The following CARMIL1 variants were observed in gnomAD, a reference collection of about 807,000 sequenced individuals.
The protein encoded by CARMIL1 is F-actin-uncapping protein LRRC16A.
In CARMIL1, 90 loss-of-function variants were observed where a neutral mutation model predicts 177.1. The observed-to-expected ratio is 0.51, with a 90% CI of 0.43 to 0.61. CARMIL1 has a LOEUF of 0.61. CARMIL1 is among the 20% of genes least tolerant of loss of function. The pLI, the probability that CARMIL1 is intolerant of heterozygous loss-of-function variation, is 0.00. For synonymous variants in CARMIL1, 577 were observed against 606.2 expected (o/e 0.95, Z 0.71); for missense variants, 1,380 against 1,667.0 (o/e 0.83, Z 3.00).
At chr6:25,603,321 G>T (rs982127656) in intron 33 of CARMIL1, among the ~76,000 whole-genome samples, 2 of 152,206 alleles carry the variant, frequency 1.3e-5, no homozygotes, top group Non-Finnish European at 2.9e-5. Context: ...TAGTGTGCTT[G>T]TGTTAGCTGC....
intron 2 of CARMIL1, among the ~76,000 whole-genome samples, chr6:25,290,752 C>T (rs1390648331): frequency 1.3e-5 from 2 of 152,054 alleles, no homozygotes; most frequent in Non-Finnish European, 2.9e-5. Flanking sequence ...ATCTGTTGTC[C>T]ATTTGTTTTC....
chr6:25,568,407 GGT>G (rs1470733149), intron 29 of CARMIL1, among the ~76,000 whole-genome samples: 1 of 152,148 alleles, frequency 6.6e-6, no homozygotes, highest in African/African-American at 2.4e-5. Flanking sequence ...AGGACCACAT[GGT>G]GCTCTATTCT....
intron 12 of CARMIL1, among the ~76,000 whole-genome samples, chr6:25,483,738 A>G (rs1222970600): frequency 6.6e-6 from 1 of 150,516 alleles, no homozygotes. Flanking sequence ...AGGTGGATTG[A>G]AAAAAAGTCG....
chr6:25,371,423 T>G (rs1428048407), intron 2 of CARMIL1, among the ~76,000 whole-genome samples: 1 of 152,226 alleles, frequency 6.6e-6, no homozygotes, highest in Non-Finnish European at 1.5e-5. Context: ...CAACATCTAT[T>G]GTATTTTACC....
intron 31 of CARMIL1, among the ~76,000 whole-genome samples, chr6:25,585,553 T>C (rs1481790244): frequency 1.3e-5 from 2 of 152,248 alleles, no homozygotes; most frequent in Non-Finnish European, 2.9e-5. Context: ...ATTTATTTTT[T>C]ATTTTTTAGT....
intron 36 of CARMIL1, among the ~76,000 whole-genome samples, chr6:25,613,709 C>T (rs1479207267): frequency 2.6e-5 from 4 of 152,164 alleles, no homozygotes; most frequent in East Asian, 1.9e-4. Context: ...TTCAAAAATC[C>T]GTTAAAGGAA....
intron 1 of CARMIL1, among the ~76,000 whole-genome samples, chr6:25,282,772 G>A (rs73392379): frequency 0.052 from 7,922 of 152,134 alleles, 589 homozygotes; most frequent in African/African-American, 0.17. Context: ...TCAGCTCAGG[G>A]ATCCTCTCCT....
chr6:25,400,907 A>G (rs777208533), intron 2 of CARMIL1, among the ~76,000 whole-genome samples: 8 of 152,168 alleles, frequency 5.3e-5, no homozygotes, highest in Non-Finnish European at 7.3e-5. Context: ...ACTTGCCCAG[A>G]CTCATTGAGA....
At chr6:25,471,300 CTG>C (rs761293555) in intron 10 of CARMIL1, 43 bp downstream of exon 10, 1 of 1,378,414 alleles carries the variant, frequency 7.3e-7, no homozygotes, top group South Asian at 1.3e-5. Context: ...CTTTAAAACT[CTG>C]TGCCATTTGC....
intron 29 of CARMIL1, among the ~76,000 whole-genome samples, chr6:25,561,111 G>C (rs1364854177): frequency 6.6e-6 from 1 of 152,200 alleles, no homozygotes; most frequent in Non-Finnish European, 1.5e-5. Context: ...ATTGTTCACA[G>C]ACCATCTGTT....
intron 2 of CARMIL1, among the ~76,000 whole-genome samples, chr6:25,387,210 C>T (rs1247570408): frequency 6.6e-6 from 1 of 151,504 alleles, no homozygotes; most frequent in Admixed American, 6.6e-5. Flanking sequence ...AGACTATATG[C>T]ATTTTTAAAT....
chr6:25,323,547 T>C (rs1784846013), intron 2 of CARMIL1, among the ~76,000 whole-genome samples: 1 of 151,974 alleles, frequency 6.6e-6, no homozygotes, highest in Non-Finnish European at 1.5e-5. Flanking sequence ...AGTTTGAGGC[T>C]GCCATGAGCT....
chr6:25,491,637 G>A, intron 13 of CARMIL1, 95 bp from the exon 14 acceptor site: 1 of 749,092 alleles, frequency 1.3e-6, no homozygotes, highest in Non-Finnish European at 2.2e-6. Context: ...AATGATCTGA[G>A]AAATTCTGGC....
At chr6:25,418,281 G>A (rs1020228522) in intron 2 of CARMIL1, among the ~76,000 whole-genome samples, 3 of 152,162 alleles carry the variant, frequency 2.0e-5, no homozygotes, top group Non-Finnish European at 4.4e-5. Context: ...TCCATCCCAA[G>A]CATGTGAATT....
intron 2 of CARMIL1, among the ~76,000 whole-genome samples, chr6:25,296,893 T>TTATC (rs6149486): frequency 0.041 from 3,521 of 85,872 alleles, 61 homozygotes; most frequent in South Asian, 0.065. Flanking sequence ...ATATCTATCT[T>TTATC]TATCTATCTA....
At chr6:25,297,680 A>G (rs1782527013) in intron 2 of CARMIL1, among the ~76,000 whole-genome samples, 1 of 152,234 alleles carries the variant, frequency 6.6e-6, no homozygotes, top group African/African-American at 2.4e-5. Context: ...CTTTCTGCAG[A>G]GATTTAATGA....
At chr6:25,329,539 G>C (rs977277177) in intron 2 of CARMIL1, among the ~76,000 whole-genome samples, 4 of 152,186 alleles carry the variant, frequency 2.6e-5, no homozygotes, top group Non-Finnish European at 4.4e-5. Context: ...TCAGAAGTTT[G>C]TATTATCTTG....
intron 4 of CARMIL1, among the ~76,000 whole-genome samples, chr6:25,434,138 G>A (rs570851223): frequency 1.3e-5 from 2 of 152,286 alleles, no homozygotes; most frequent in Non-Finnish European, 2.9e-5. Context: ...CTAGGCTCAA[G>A]CAATCGTCCT....
intron 5 of CARMIL1, among the ~76,000 whole-genome samples, chr6:25,439,937 T>TA (rs1198194615): frequency 1.3e-5 from 2 of 152,142 alleles, no homozygotes; most frequent in Non-Finnish European, 2.9e-5. Flanking sequence ...CCCTAATAAA[T>TA]AAATCAGCAA....
Sources: allele counts gnomAD v4.1 joint callset (sites outside exome capture counted in the v4.1 genomes callset), GRCh38; gene constraint gnomAD v4.1.1; transcripts MANE v1.5; gene names NCBI Gene and HGNC (gene_info 2026-07-23, HGNC 2026-07-21).